Variants in HS3ST4 observed in about 807,000 individuals in gnomAD.
The protein encoded by HS3ST4 is heparan sulfate-glucosamine 3-sulfotransferase 4, also known as heparan sulfate glucosamine 3-O-sulfotransferase 4.
HS3ST4 carries 17 observed loss-of-function variants against 29.2 expected under a neutral mutation model. The observed-to-expected ratio is 0.58, with a 90% CI of 0.40 to 0.87. The LOEUF (loss-of-function observed/expected upper bound fraction) is 0.87. HS3ST4 is among the 40% of genes least tolerant of loss of function. The pLI is 0.00. For missense variants in HS3ST4, 627 were observed against 634.5 expected, an observed-to-expected ratio of 0.99 and a Z score of 0.13; for synonymous variants, 314 against 285.7, an observed-to-expected ratio of 1.10 and a Z score of -1.00.
Position 25,692,165 on chromosome 16 carries a change from C to T in HS3ST4, c.-253C>T, listed in dbSNP as rs947180629. The T allele has an allele frequency of 0.013, 1,856 of 143,932 alleles. 19 individuals carry two copies. Among genetic ancestry groups the T allele is most frequent in the Non-Finnish European group, 0.02 (1,332 of 65,002 alleles). The allele number at this position is 143,932 out of a possible 1,614,324, so 8.9% of individuals were successfully genotyped here. ...CCCTTGCCTGAGGCTGAGGGGGGGG[C>T]GGTGGTGGGGGGGCCACCCGGACTC... On this transcript the variant is annotated 5_prime_UTR_variant, in exon 1 of 2. Transcript: ENST00000331351.
intron 1 of HS3ST4, among the ~76,000 whole-genome samples, chr16:25,935,213 T>A (rs1187160562): frequency 6.6e-6 from 1 of 152,136 alleles, no homozygotes; most frequent in Non-Finnish European, 1.5e-5. Flanking sequence ...CAGTCTCAGG[T>A]ATTTCTTTAT....
intron 1 of HS3ST4, among the ~76,000 whole-genome samples, chr16:25,814,693 G>A (rs555301957): frequency 6.6e-6 from 1 of 152,318 alleles, no homozygotes; most frequent in African/African-American, 2.4e-5. Flanking sequence ...CAAATGACTT[G>A]CACAAGTTCA....
intron 1 of HS3ST4, among the ~76,000 whole-genome samples, chr16:25,855,314 T>C (rs1289288543): frequency 6.6e-6 from 1 of 152,084 alleles, no homozygotes; most frequent in Non-Finnish European, 1.5e-5. Context: ...GTGGTAAATG[T>C]CTCCTTTTGG....
intron 1 of HS3ST4, among the ~76,000 whole-genome samples, chr16:25,866,338 A>G (rs1967694380): frequency 6.6e-6 from 1 of 152,168 alleles, no homozygotes. Flanking sequence ...TAGAGAGTTT[A>G]TTCTTCTCTA....
At position 25,841,749 on chromosome 16, in the gene HS3ST4, T is replaced by C. The variant is rs557468897; in HGVS notation, c.734+148598T>C. On this transcript the variant is annotated intron_variant, in intron 1 of 1. Coordinates refer to ENST00000331351, the MANE Select transcript of HS3ST4 (RefSeq NM_006040.3). ...TTCCAGTCTATGAGTTTCCAATGAA[T>C]ATGGCATAATGGGAACTAGAACCTG... Among the ~76,000 whole-genome samples the C allele has an allele frequency of 2.0e-5, 3 of 152,308 alleles. No individual in the cohort carries two copies. The East Asian group carries it at 5.8e-4, about 29-fold the overall frequency.
At chr16:26,107,856 G>C (rs62036776) in intron 1 of HS3ST4, among the ~76,000 whole-genome samples, 4 of 152,082 alleles carry the variant, frequency 2.6e-5, no homozygotes, top group Admixed American at 6.6e-5. Flanking sequence ...ATAAACATAC[G>C]TGTGCAGGTA....
At chr16:25,995,406 C>T (rs188463043) in intron 1 of HS3ST4, among the ~76,000 whole-genome samples, 75 of 152,264 alleles carry the variant, frequency 4.9e-4, no homozygotes, top group Middle Eastern at 3.4e-3. Flanking sequence ...ATCTATTCTG[C>T]GTAATTCTCA....
chr16:26,026,699 G>A (rs1450934835), intron 1 of HS3ST4, among the ~76,000 whole-genome samples: 1 of 152,080 alleles, frequency 6.6e-6, no homozygotes, highest in Admixed American at 6.5e-5. Flanking sequence ...CATTTCTCCA[G>A]AATTTGATTA....
At chr16:25,771,809 G>A (rs74902699) in intron 1 of HS3ST4, among the ~76,000 whole-genome samples, 2 of 152,202 alleles carry the variant, frequency 1.3e-5, no homozygotes, top group Non-Finnish European at 1.5e-5. Context: ...GAGTGAATGA[G>A]TCTGTGTTCC....
At chr16:25,703,443 C>T (rs556130316) in intron 1 of HS3ST4, among the ~76,000 whole-genome samples, 1 of 152,192 alleles carries the variant, frequency 6.6e-6, no homozygotes, top group Non-Finnish European at 1.5e-5. Context: ...ATTACCCACG[C>T]CTTACAGGCG....
chr16:26,044,074 T>G (rs1898236625), intron 1 of HS3ST4, among the ~76,000 whole-genome samples: 1 of 152,204 alleles, frequency 6.6e-6, no homozygotes, highest in African/African-American at 2.4e-5. Context: ...GTAAGTGGTG[T>G]TGGTGGAATC....
intron 1 of HS3ST4, among the ~76,000 whole-genome samples, chr16:25,725,277 G>C (rs1324387308): frequency 6.6e-6 from 1 of 152,012 alleles, no homozygotes; most frequent in Non-Finnish European, 1.5e-5. Flanking sequence ...CCATTGACTT[G>C]CTCTTAGGAG....
intron 1 of HS3ST4, among the ~76,000 whole-genome samples, chr16:25,982,665 G>A (rs1031398251): frequency 1.3e-5 from 2 of 152,048 alleles, no homozygotes; most frequent in African/African-American, 4.8e-5. Flanking sequence ...ACATCTCTAC[G>A]AAATTTTTTT....
At chr16:25,868,681 G>A (rs1443942477) in intron 1 of HS3ST4, among the ~76,000 whole-genome samples, 1 of 152,184 alleles carries the variant, frequency 6.6e-6, no homozygotes, top group Non-Finnish European at 1.5e-5. Flanking sequence ...TTTTTAAGGA[G>A]CAAATGTAAT....
At chr16:25,999,318 G>A (rs1055567431) in intron 1 of HS3ST4, among the ~76,000 whole-genome samples, 26 of 152,040 alleles carry the variant, frequency 1.7e-4, no homozygotes, top group Admixed American at 6.6e-4. Context: ...AGAATGGGGT[G>A]GGTTTTTCTT....
intron 1 of HS3ST4, among the ~76,000 whole-genome samples, chr16:25,960,770 T>C (rs4457997): frequency 0.024 from 3,597 of 152,294 alleles, 69 homozygotes; most frequent in Middle Eastern, 0.061. Context: ...AATGAGATAA[T>C]AAATGTTAAA....
intron 1 of HS3ST4, among the ~76,000 whole-genome samples, chr16:26,016,638 G>A (rs913740079): frequency 6.6e-6 from 1 of 152,112 alleles, no homozygotes; most frequent in African/African-American, 2.4e-5. Flanking sequence ...ATCTGTTTAT[G>A]GCAGGGGTAC....
chr16:25,844,708 A>G (rs991682108), intron 1 of HS3ST4, among the ~76,000 whole-genome samples: 1 of 152,192 alleles, frequency 6.6e-6, no homozygotes, highest in Non-Finnish European at 1.5e-5. Flanking sequence ...CTGGGTATAC[A>G]TCCAAAGGAA....
intron 1 of HS3ST4, among the ~76,000 whole-genome samples, chr16:25,789,362 CCTCT>C (rs919156559): frequency 1.4e-5 from 2 of 146,308 alleles, no homozygotes; most frequent in African/African-American, 2.6e-5. Flanking sequence ...CTTTCCTTTC[CCTCT>C]CTCTCTTTCT....
Sources: allele counts gnomAD v4.1 joint callset (sites outside exome capture counted in the v4.1 genomes callset), GRCh38; gene constraint gnomAD v4.1.1; transcripts MANE v1.5; gene names NCBI Gene and HGNC (gene_info 2026-07-23, HGNC 2026-07-21).